Variants in RBFOX1 observed in about 807,000 individuals in gnomAD.
RBFOX1 encodes the protein RNA binding fox-1 homolog 1, also known as RNA binding protein fox-1 homolog 1.
RBFOX1 carries 8 observed loss-of-function variants against 57.7 expected under a neutral mutation model. That is an observed-to-expected ratio of 0.14 (90% CI 0.08 to 0.25). The LOEUF (loss-of-function observed/expected upper bound fraction) is 0.25, where lower values mean the gene tolerates loss of function less well. Ranked by LOEUF, RBFOX1 falls within the 10% of genes least tolerant of loss-of-function variation. The probability of loss-of-function intolerance (pLI) is 1.00; values close to 1 mark genes in which losing one functional copy is unlikely to be tolerated. For missense variants in RBFOX1, 611 were observed against 548.5 expected, an observed-to-expected ratio of 1.11 and a Z score of -1.14; for synonymous variants, 326 against 222.4, an observed-to-expected ratio of 1.47 and a Z score of -4.15.
intron 3 of RBFOX1, among the ~76,000 whole-genome samples, chr16:5,680,877 C>G (rs1183363667): frequency 6.8e-6 from 1 of 147,688 alleles, no homozygotes; most frequent in Admixed American, 6.9e-5. Context: ...AGTTCCTTGC[C>G]CTATAGAGCT....
chr16:6,151,900 T>C (rs1398823462), intron 1 of RBFOX1, among the ~76,000 whole-genome samples: 1 of 152,168 alleles, frequency 6.6e-6, no homozygotes, highest in Non-Finnish European at 1.5e-5. Flanking sequence ...TGAAGAGCAT[T>C]ACTAAGATGG....
intron 4 of RBFOX1, among the ~76,000 whole-genome samples, chr16:7,318,897 G>A (rs1386967253): frequency 1.3e-5 from 2 of 152,104 alleles, no homozygotes; most frequent in Admixed American, 6.5e-5. Flanking sequence ...AACGAAGGCT[G>A]CTTAGCGAGG....
At chr16:6,597,237 T>G (rs1227163079) in intron 2 of RBFOX1, among the ~76,000 whole-genome samples, 1 of 152,166 alleles carries the variant, frequency 6.6e-6, no homozygotes, top group Non-Finnish European at 1.5e-5. Context: ...GGAGAAGTAG[T>G]TGGGTGCGTA....
chr16:7,048,549 G>A (rs2048852800), intron 3 of RBFOX1, among the ~76,000 whole-genome samples: 1 of 152,294 alleles, frequency 6.6e-6, no homozygotes, highest in South Asian at 2.1e-4. Flanking sequence ...GTGAGCCACC[G>A]CGCCCAGCTC....
chr16:6,053,271 C>G (rs1188405903), intron 1 of RBFOX1, among the ~76,000 whole-genome samples: 7 of 152,150 alleles, frequency 4.6e-5, no homozygotes, highest in Non-Finnish European at 8.8e-5. Flanking sequence ...ATAATATTGT[C>G]TGGTACCAAA....
chr16:5,705,257 G>A (rs972725447), intron 3 of RBFOX1, among the ~76,000 whole-genome samples: 3 of 151,998 alleles, frequency 2.0e-5, no homozygotes, highest in Non-Finnish European at 4.4e-5. Flanking sequence ...GATCTCTTAG[G>A]TTTGTTTTTA....
At chr16:6,246,357 C>A (rs2097569037) in intron 1 of RBFOX1, among the ~76,000 whole-genome samples, 2 of 152,140 alleles carry the variant, frequency 1.3e-5, no homozygotes, top group African/African-American at 4.8e-5. Context: ...GAAGAGTGAG[C>A]AGGCAATTCC....
At chr16:5,341,082 T>C (rs6500684) in intron 1 of RBFOX1, among the ~76,000 whole-genome samples, 151,766 of 152,320 alleles carry the variant, frequency 1, 75,610 homozygotes, top group Middle Eastern at 1. Flanking sequence ...GCAGCAGCCT[T>C]GAGGCAGGAA....
chr16:5,955,500 C>T (rs2059619233), intron 4 of RBFOX1, among the ~76,000 whole-genome samples: 1 of 152,036 alleles, frequency 6.6e-6, no homozygotes, highest in Non-Finnish European at 1.5e-5. Flanking sequence ...ACATAACCTT[C>T]TGCAAATAAA....
chr16:5,712,379 G>A (rs2051522902), intron 3 of RBFOX1, among the ~76,000 whole-genome samples: 1 of 152,214 alleles, frequency 6.6e-6, no homozygotes, highest in Non-Finnish European at 1.5e-5. Context: ...CTAAGGCTTA[G>A]GGAATTTCAG....
intron 3 of RBFOX1, among the ~76,000 whole-genome samples, chr16:6,941,310 C>A (rs1332656642): frequency 1.1e-5 from 1 of 86,980 alleles, no homozygotes; most frequent in African/African-American, 4.4e-5. Context: ...CTCCTTCCTT[C>A]CTTCCTTCCT....
At chr16:7,038,194 T>A (rs2045103622) in intron 3 of RBFOX1, among the ~76,000 whole-genome samples, 1 of 152,066 alleles carries the variant, frequency 6.6e-6, no homozygotes. Flanking sequence ...GTAACGATGG[T>A]CCCAGGAGAC....
At chr16:7,682,409 G>C (rs556432508) in intron 14 of RBFOX1, among the ~76,000 whole-genome samples, 2 of 152,186 alleles carry the variant, frequency 1.3e-5, no homozygotes, top group East Asian at 3.9e-4. Context: ...TCCCAGCTGG[G>C]ATACAGACCC....
chr16:5,300,397 C>A (rs866852358), intron 1 of RBFOX1, among the ~76,000 whole-genome samples: 2 of 152,090 alleles, frequency 1.3e-5, no homozygotes, highest in African/African-American at 2.4e-5. Flanking sequence ...AAAGACTACA[C>A]ATGGGTACAG....
chr16:6,699,301 T>C (rs1478133653), intron 3 of RBFOX1, among the ~76,000 whole-genome samples: 2 of 103,838 alleles, frequency 1.9e-5, no homozygotes, highest in Admixed American at 2.0e-4. Context: ...CTATGTTACT[T>C]TTTTTTTTTT....
intron 10 of RBFOX1, among the ~76,000 whole-genome samples, chr16:7,609,342 A>C (rs1403960866): frequency 6.6e-6 from 1 of 152,150 alleles, no homozygotes; most frequent in Non-Finnish European, 1.5e-5. Context: ...TGGGTCTATT[A>C]AGCAGGAAAA....
intron 4 of RBFOX1, among the ~76,000 whole-genome samples, chr16:7,072,818 G>T (rs1385482618): frequency 6.6e-6 from 1 of 152,216 alleles, no homozygotes; most frequent in Non-Finnish European, 1.5e-5. Flanking sequence ...CGTTGGCCCA[G>T]TTTTATTCCT....
rs756114010 is a variant in RBFOX1 at position 6,487,152 on chromosome 16, G to GTGTGTGTC, written c.-63-167444_-63-167443insCTGTGTGT. On this transcript the variant is annotated intron_variant, in intron 2 of 15. Transcript: ENST00000550418. The stretch of plus-strand genomic sequence containing the variant: ...AGTAAGTTGTGGGGTTTCTGTGTGT[G>GTGTGTGTC]TGTGTGTGTGTGTGTGTGTGTGTGT... Among the ~76,000 whole-genome samples, 427 of 85,932 alleles carry GTGTGTGTC rather than the reference G, an allele frequency of 5.0e-3. 4 individuals carry two copies. Among genetic ancestry groups the GTGTGTGTC allele is most frequent in the South Asian group, 0.024 (55 of 2,326 alleles). The allele number at this position is 85,932 out of a possible 152,430, so 56.4% of individuals were successfully genotyped here.
chr16:7,047,707 C>T (rs868479198), intron 3 of RBFOX1, among the ~76,000 whole-genome samples: 30 of 105,114 alleles, frequency 2.9e-4, no homozygotes, highest in South Asian at 6.5e-4. Flanking sequence ...TTCCACAGGT[C>T]CTGCATTTCT....
Sources: allele counts gnomAD v4.1 joint callset (sites outside exome capture counted in the v4.1 genomes callset), GRCh38; gene constraint gnomAD v4.1.1; transcripts MANE v1.5; gene names NCBI Gene and HGNC (gene_info 2026-07-23, HGNC 2026-07-21).